The following NALCN variants were observed in gnomAD, a reference collection of about 807,000 sequenced individuals.
NALCN encodes the protein sodium leak channel NALCN.
NALCN carries 111 observed loss-of-function variants against 225.3 expected under a neutral mutation model. The ratio of observed to expected loss-of-function variants is 0.49; its 90% CI spans 0.42 to 0.58. The LOEUF (loss-of-function observed/expected upper bound fraction) is 0.58. NALCN is among the 20% of genes least tolerant of loss of function. The pLI is 0.00. For missense variants in NALCN, 1,378 were observed against 2,202.4 expected (o/e 0.63, Z 7.49); for synonymous variants, 764 against 769.0 (o/e 0.99, Z 0.11).
chr13:101,344,986 T>C (rs2045671784), intron 7 of NALCN, among the ~76,000 whole-genome samples: 1 of 152,204 alleles, frequency 6.6e-6, no homozygotes, highest in African/African-American at 2.4e-5. Context: ...CAAACAAATA[T>C]TTTTAAATGC....
chr13:101,066,332 C>G (rs1015320788), intron 39 of NALCN, among the ~76,000 whole-genome samples: 2 of 147,840 alleles, frequency 1.4e-5, no homozygotes, highest in Admixed American at 6.7e-5. Context: ...AAAGAGCTAA[C>G]TAACTCCTTT....
chr13:101,085,656 T>G (rs1442670937), intron 30 of NALCN, among the ~76,000 whole-genome samples: 1 of 152,176 alleles, frequency 6.6e-6, no homozygotes, highest in Non-Finnish European at 1.5e-5. Context: ...AATATCACAC[T>G]GTACCCGATA....
chr13:101,328,086 G>A (rs1386332865), intron 7 of NALCN, among the ~76,000 whole-genome samples: 1 of 152,170 alleles, frequency 6.6e-6, no homozygotes, highest in Non-Finnish European at 1.5e-5. Flanking sequence ...GCTGATCCCT[G>A]CTCTAGTCAG....
rs932433715 is a variant in NALCN, at chr13:101,054,239, G to T, written c.*1056C>A. Reference sequence around the variant, plus strand: ...AGGAAAAAAAACAAAAACAAAAAACGATTAAGTAAGTTGTGTGATCCCTAA... The same window carrying T: ...AGGAAAAAAAACAAAAACAAAAAACTATTAAGTAAGTTGTGTGATCCCTAA... On this transcript the variant is annotated 3_prime_UTR_variant, in exon 44 of 44. Coordinates refer to ENST00000251127, the MANE Select transcript of NALCN (RefSeq NM_052867.4). 6.6e-6 allele frequency: 1 copy of T among 152,142 alleles called. No individual in the cohort carries two copies. The highest frequency in any genetic ancestry group is 1.9e-4 in the East Asian group (1 of 5,202). The allele number at this position is 152,142 out of a possible 1,614,324, so 9.4% of individuals were successfully genotyped here. A position where few individuals can be genotyped will look rare whatever the true frequency, so the allele number is the denominator to read the frequency against.
chr13:101,344,846 G>A (rs1022820425), intron 7 of NALCN, among the ~76,000 whole-genome samples: 1 of 152,116 alleles, frequency 6.6e-6, no homozygotes, highest in African/African-American at 2.4e-5. Context: ...CAGCTCTAAT[G>A]CACTCATCAA....
rs200191453 is a variant in NALCN, at chr13:101,378,586, A to T, written c.359T>A (p.Val120Asp). The T allele has an allele frequency of 6.2e-7, 1 of 1,607,598 alleles. No homozygotes were observed. The highest frequency in any genetic ancestry group is 1.3e-5 in the African/African-American group (1 of 74,922). The change falls in exon 4 of 44, where the codon GTT (valine) becomes GAT (aspartate). Residue 120 changes from valine (V) to aspartate (D), a missense_variant. Val to Asp is a radical substitution (Grantham distance 152, BLOSUM62 -3). Coordinates refer to ENST00000251127, the MANE Select transcript of NALCN (RefSeq NM_052867.4). ...FDGFMVFCLW[V>D]SLVLQVFEIA... ...TTTAATTACCTGTAGCACCAAAGAAACCCAAAGGCAAAAGACCATAAATCC... is the reference window on the plus strand; with the variant it reads ...TTTAATTACCTGTAGCACCAAAGAATCCCAAAGGCAAAAGACCATAAATCC...
intron 32 of NALCN, 90 bp downstream of exon 32, chr13:101,083,002 A>G: frequency 1.3e-6 from 2 of 1,539,514 alleles, no homozygotes; most frequent in Non-Finnish European, 1.8e-6. Flanking sequence ...CAAGAACATA[A>G]CCGTGAATGC....
intron 11 of NALCN, 52 bp downstream of exon 11, chr13:101,258,391 C>A: frequency 8.7e-6 from 14 of 1,609,158 alleles, no homozygotes; most frequent in Non-Finnish European, 1.1e-5. Context: ...AGGCACTGTC[C>A]GCGGTTCACC....
At chr13:101,409,762 A>G (rs1247713297) in intron 1 of NALCN, among the ~76,000 whole-genome samples, 2 of 152,246 alleles carry the variant, frequency 1.3e-5, no homozygotes, top group Admixed American at 1.3e-4. Context: ...ATTTTGCAAT[A>G]TGAATCCACA....
chr13:101,374,122 T>C (rs1594756824), intron 6 of NALCN, among the ~76,000 whole-genome samples: 4 of 152,132 alleles, frequency 2.6e-5, no homozygotes, highest in East Asian at 3.9e-4. Context: ...AAAATAATTT[T>C]GAATAGATTA....
At chr13:101,218,085 T>C (rs1383472013) in intron 13 of NALCN, among the ~76,000 whole-genome samples, 1 of 152,118 alleles carries the variant, frequency 6.6e-6, no homozygotes, top group Non-Finnish European at 1.5e-5. Flanking sequence ...TACTCAATCC[T>C]GCCAATGAGA....
In NALCN at chr13:101,104,875, T is replaced by C. The variant is rs375563211; in HGVS notation, c.2636+19A>G. ...GAAAACTTTAAATGTGCATGGAAAATGAAGTTGGTGATGCTTACTAAAGTT... is the reference window on the plus strand; with the variant it reads ...GAAAACTTTAAATGTGCATGGAAAACGAAGTTGGTGATGCTTACTAAAGTT... On this transcript the variant is annotated intron_variant, in intron 23 of 43. Coordinates refer to ENST00000251127, the MANE Select transcript of NALCN (RefSeq NM_052867.4). This position sits in a 1 kb window ranked among gnomAD's most constrained non-coding sequence, Gnocchi z 4.2. 6.2e-7 allele frequency: 1 copy of C among 1,612,984 alleles called. No individual in the cohort carries two copies. The highest frequency in any genetic ancestry group is 8.5e-7 in the Non-Finnish European group (1 of 1,179,366).
chr13:101,357,189 C>A (rs1594735243), intron 6 of NALCN, among the ~76,000 whole-genome samples: 1 of 152,146 alleles, frequency 6.6e-6, no homozygotes, highest in East Asian at 1.9e-4. Flanking sequence ...CTGGCCAGAG[C>A]AATCAGTCAA....
chr13:101,218,165 G>C (rs1201982066), intron 13 of NALCN, among the ~76,000 whole-genome samples: 1 of 152,110 alleles, frequency 6.6e-6, no homozygotes, highest in East Asian at 1.9e-4. Context: ...AGGAGGCCTG[G>C]GAACAGAGGA....
At chr13:101,257,209 G>GTTTTTTTTTT (rs34334262) in intron 11 of NALCN, among the ~76,000 whole-genome samples, 122 of 121,050 alleles carry the variant, frequency 1.0e-3, no homozygotes, top group Non-Finnish European at 1.4e-3. Context: ...ATTGTTTATT[G>GTTTTTTTTTT]TTTTTTTTTT....
chr13:101,123,034 G>A (rs1283477609), intron 18 of NALCN, among the ~76,000 whole-genome samples: 3 of 152,152 alleles, frequency 2.0e-5, no homozygotes, highest in African/African-American at 7.2e-5. Context: ...CCTTTCTTTT[G>A]TAAACTGAGA....
chr13:101,406,550 T>C (rs2139538125), intron 1 of NALCN, among the ~76,000 whole-genome samples: 1 of 152,316 alleles, frequency 6.6e-6, no homozygotes, highest in South Asian at 2.1e-4. Flanking sequence ...TTGGCATCAA[T>C]TATTTTTTGT....
intron 7 of NALCN, among the ~76,000 whole-genome samples, chr13:101,317,539 T>C (rs887708843): frequency 9.9e-5 from 15 of 152,218 alleles, no homozygotes; most frequent in African/African-American, 3.6e-4. Flanking sequence ...TTTCCTATTG[T>C]ACTGCTCAGG....
At chr13:101,286,206 T>C (rs1594605042) in intron 9 of NALCN, among the ~76,000 whole-genome samples, 1 of 152,278 alleles carries the variant, frequency 6.6e-6, no homozygotes, top group East Asian at 1.9e-4. Context: ...CTCAAATCCT[T>C]GCGGGGAGCG....
Sources: gnomAD v4.1 joint callset for allele counts (sites outside exome capture counted in the v4.1 genomes callset) on GRCh38, gnomAD v4.1.1 for gene constraint, Gnocchi (gnomAD v3.1) non-coding constraint, MANE v1.5 for transcripts, NCBI Gene and HGNC (gene_info 2026-07-23, HGNC 2026-07-21) for gene names.